PDXDC1: variants seen among roughly 807,000 people sequenced by gnomAD.
PDXDC1 encodes the protein pyridoxal-dependent decarboxylase domain-containing protein 1.
A neutral mutation model predicts 100.1 loss-of-function variants in PDXDC1; 42 were observed. The observed-to-expected ratio is 0.42, with a 90% CI of 0.33 to 0.54. The LOEUF is 0.54. PDXDC1 is among the 20% of genes least tolerant of loss of function. The probability of loss-of-function intolerance (pLI) is 0.10; values close to 1 mark genes in which losing one functional copy is unlikely to be tolerated. For missense variants in PDXDC1, 636 were observed against 979.2 expected, an observed-to-expected ratio of 0.65 and a Z score of 4.68; for synonymous variants, 260 against 371.7, an observed-to-expected ratio of 0.70 and a Z score of 3.46.
At chr16:15,128,534 G>C (rs1284129128) in intron 16 of PDXDC1, 13 of 635,696 alleles carry the variant, frequency 2.0e-5, no homozygotes, top group Non-Finnish European at 3.1e-5. Flanking sequence ...CCATACACGA[G>C]GAGCTGAGGT....
At chr16:15,049,578 G>A (rs536187106) in intron 16 of PDXDC1, among the ~76,000 whole-genome samples, 16 of 152,138 alleles carry the variant, frequency 1.1e-4, no homozygotes, top group South Asian at 2.1e-4. Flanking sequence ...ACAGGTGTGC[G>A]CCACCATGCC....
the PDXDC1 span, among the ~76,000 whole-genome samples, chr16:15,150,215 G>A: frequency 6.6e-6 from 1 of 151,922 alleles, no homozygotes; most frequent in Non-Finnish European, 1.5e-5. Flanking sequence ...ATGGTGGCGG[G>A]CACCAGTCCA....
intron 16 of PDXDC1, chr16:15,068,113 A>G: frequency 6.7e-7 from 1 of 1,493,334 alleles, no homozygotes; most frequent in Non-Finnish European, 9.1e-7. Context: ...AATACTAGAT[A>G]AACATAAATA....
At chr16:15,042,727 T>TATTTATTTATTTA (rs1254370269), downstream of PDXDC1, among the ~76,000 whole-genome samples, 12 of 134,066 alleles carry the variant, frequency 9.0e-5, no homozygotes, top group Non-Finnish European at 1.9e-4. Context: ...ACTATTTATT[T>TATTTATTTATTTA]ATTTATTTAT....
At chr16:15,127,510 T>G (rs1174957124) in intron 16 of PDXDC1, 1 of 1,543,520 alleles carries the variant, frequency 6.5e-7, no homozygotes, top group Admixed American at 1.8e-5. Context: ...GATGGCCAGG[T>G]AGACGGGATA....
the PDXDC1 span, among the ~76,000 whole-genome samples, chr16:15,147,719 C>T: frequency 4.6e-5 from 7 of 152,226 alleles, no homozygotes; most frequent in East Asian, 1.4e-3. Context: ...GACAGAGTCT[C>T]GCTCTGTTGA....
chr16:15,007,902 C>T (rs888291201), intron 6 of PDXDC1, among the ~76,000 whole-genome samples: 14 of 152,388 alleles, frequency 9.2e-5, no homozygotes, highest in African/African-American at 3.4e-4. Flanking sequence ...TGGTTATGTT[C>T]ACGTTTTTTA....
At position 15,135,689 on chromosome 16, in the gene PDXDC1, G is replaced by A. The variant is rs1032539564; in HGVS notation, c.1400-3190G>A. The A allele has an allele frequency of 4.0e-5, 64 of 1,594,916 alleles. No individual in the cohort carries two copies. In the African/African-American group the frequency reaches 6.4e-4, roughly 16 times the overall value. ...ACAGGCCCACTGGAAACTGAGCGGCGTCTGGTCGCCATCCTCCAGGTTGGG... is the reference window on the plus strand; with the variant it reads ...ACAGGCCCACTGGAAACTGAGCGGCATCTGGTCGCCATCCTCCAGGTTGGG... On this transcript the variant is annotated intron_variant, in intron 16 of 16. Transcript: ENST00000535621.
intron 16 of PDXDC1, among the ~76,000 whole-genome samples, chr16:15,062,588 G>A (rs747654889): frequency 3.3e-5 from 5 of 152,204 alleles, no homozygotes; most frequent in Non-Finnish European, 7.3e-5. Flanking sequence ...TGCAACCTGC[G>A]TCTTCACCAC....
At chr16:15,124,082 G>T (rs1162328928) in intron 16 of PDXDC1, among the ~76,000 whole-genome samples, 1 of 152,200 alleles carries the variant, frequency 6.6e-6, no homozygotes, top group Admixed American at 6.5e-5. Flanking sequence ...GACGTCCAAG[G>T]AATCTATGCA....
chr16:15,088,929 T>TG (rs2046010064), intron 16 of PDXDC1, among the ~76,000 whole-genome samples: 1 of 151,878 alleles, frequency 6.6e-6, no homozygotes, highest in Non-Finnish European at 1.5e-5. Flanking sequence ...CCATGAAAGA[T>TG]GGAGCCCAGC....
At chr16:15,027,899 C>G (rs990229519) in intron 14 of PDXDC1, among the ~76,000 whole-genome samples, 2 of 152,300 alleles carry the variant, frequency 1.3e-5, no homozygotes, top group African/African-American at 4.8e-5. Flanking sequence ...TTGTCCTCAC[C>G]TAGGTCCGTG....
chr16:15,110,989 C>T (rs1432642674), intron 16 of PDXDC1, among the ~76,000 whole-genome samples: 1 of 147,918 alleles, frequency 6.8e-6, no homozygotes, highest in African/African-American at 2.5e-5. Context: ...ATTAGCCGGG[C>T]ATGGCAGTGG....
At chr16:14,997,075 TG>T (rs1972138153) in intron 1 of PDXDC1, among the ~76,000 whole-genome samples, 1 of 152,190 alleles carries the variant, frequency 6.6e-6, no homozygotes, top group South Asian at 2.1e-4. Flanking sequence ...ACTTGTCAAG[TG>T]GGAAGGTGGT....
chr16:15,063,274 T>C (rs1160594053), intron 16 of PDXDC1: 1 of 1,610,254 alleles, frequency 6.2e-7, no homozygotes, highest in African/African-American at 1.3e-5. Flanking sequence ...GATCAATGAA[T>C]TTCTTTGACC....
chr16:15,092,481 G>T lies in PDXDC1; in HGVS notation c.1400-46398G>T, dbSNP rs779357454. ...TAGTTGTATTCTGACCTAACCAAAA[G>T]CAAACCTCACACATTATCTCCCCTT... On this transcript the variant is annotated intron_variant, in intron 16 of 16. Transcript: ENST00000535621. The T allele has an allele frequency of 3.6e-5, 54 of 1,488,300 alleles. No homozygotes were observed. The African/African-American group carries it at 6.9e-4, about 19-fold the overall frequency. 92.2% of individuals were successfully genotyped at this position (1,488,300 alleles called of 1,614,324 possible). A position where few individuals can be genotyped will look rare whatever the true frequency, so the allele number is the denominator to read the frequency against.
chr16:15,008,858 C>T lies in PDXDC1; in HGVS notation c.648+11C>T, dbSNP rs763533432. The T allele has an allele frequency of 5.0e-6, 8 of 1,612,358 alleles. No homozygotes were observed. In the South Asian group the frequency reaches 6.6e-5, roughly 13 times the overall value. On this transcript the variant is annotated intron_variant, in intron 7 of 22. Transcript: ENST00000396410. The stretch of plus-strand genomic sequence containing the variant: ...TCCCAGCATCAGATGGTGAGTTCTA[C>T]TTTTGGTTTGTAAAATCATGTGGGA...
At chr16:15,137,721 A>C (rs2048394280) in intron 16 of PDXDC1, 1 of 1,189,848 alleles carries the variant, frequency 8.4e-7, no homozygotes. Flanking sequence ...CTGGCTGGGA[A>C]GGACAGAGCT....
intron 16 of PDXDC1, chr16:15,047,642 T>A: frequency 9.9e-7 from 1 of 1,012,800 alleles, no homozygotes. Flanking sequence ...GACCGCCTCA[T>A]CTTTGAATAT....
Sources: gnomAD v4.1 joint callset for allele counts (sites outside exome capture counted in the v4.1 genomes callset) on GRCh38, gnomAD v4.1.1 for gene constraint, MANE v1.5 for transcripts, NCBI Gene and HGNC (gene_info 2026-07-23, HGNC 2026-07-21) for gene names.